The following SIN3B variants were observed in gnomAD, a reference collection of about 807,000 sequenced individuals.
SIN3B encodes paired amphipathic helix protein Sin3b.
In SIN3B, 19 loss-of-function variants were observed where a neutral mutation model predicts 120.2. The ratio of observed to expected loss-of-function variants is 0.16; its 90% confidence interval spans 0.11 to 0.23. The LOEUF (loss-of-function observed/expected upper bound fraction) is 0.23, where lower values mean the gene tolerates loss of function less well. Ranked by LOEUF, SIN3B falls within the 10% of genes least tolerant of loss-of-function variation. The probability of loss-of-function intolerance (pLI) is 1.00; values close to 1 mark genes in which losing one functional copy is unlikely to be tolerated. For missense variants in SIN3B, 1,073 were observed against 1,573.0 expected, an observed-to-expected ratio of 0.68 and a Z score of 5.38; for synonymous variants, 654 against 653.2, an observed-to-expected ratio of 1.00 and a Z score of -0.02.
rs2051655175 is a variant in SIN3B, at chr19:16,878,999, A to G, written c.*272A>G. 2 of 517,070 alleles carry G rather than the reference A, an allele frequency of 3.9e-6. No homozygotes were observed. Among genetic ancestry groups the G allele is most frequent in the Non-Finnish European group, 6.8e-6 (2 of 292,464 alleles). 32.0% of individuals were successfully genotyped at this position (517,070 alleles called of 1,614,324 possible). A position where few individuals can be genotyped will look rare whatever the true frequency, so the allele number is the denominator to read the frequency against. The stretch of plus-strand genomic sequence containing the variant: ...CGTGCTGGCCGAGGAACAAGCAATC[A>G]TGTTTGCGTCCCCGTCCGTCACATG... On this transcript the variant is annotated 3_prime_UTR_variant, in exon 19 of 19. Transcript: ENST00000248054.
At chr19:16,835,992 T>C (rs761975941) in intron 3 of SIN3B, among the ~76,000 whole-genome samples, 57 of 152,212 alleles carry the variant, frequency 3.7e-4, no homozygotes, top group South Asian at 6.2e-4. Context: ...AAGTATCTTT[T>C]TCCCCCCCCA....
chr19:16,842,814 G>C (rs982926721), intron 4 of SIN3B, among the ~76,000 whole-genome samples: 1 of 152,170 alleles, frequency 6.6e-6, no homozygotes, highest in Admixed American at 6.5e-5. Context: ...TTCCCAACCC[G>C]TCCGGGGCCA....
In SIN3B at chr19:16,863,738, G is replaced by A; in HGVS notation, c.1325G>A (p.Ser442Asn). Residue 442 changes from serine to asparagine, a missense_variant, in exon 10 of 19, where the codon AGC becomes AAC. Around this residue, in one of 7 missense-constraint regions of SIN3B, gnomAD observed 118 missense variants for 281.6 expected, o/e 0.42. Transcript: ENST00000248054. ...TGGTCTGAGGACTCCACGTTCGTCA[G>A]CTCCAAGAAGACACCGTACGAGGAG... ...PSWSEDSTFV[S>N]SKKTPYEEQL... The A allele has an allele frequency of 1.2e-6, 2 of 1,614,196 alleles. No individual in the cohort carries two copies. Among genetic ancestry groups the A allele is most frequent in the Non-Finnish European group, 1.7e-6 (2 of 1,180,026 alleles).
In SIN3B at chr19:16,865,309, C is replaced by T. The variant is rs538385842; in HGVS notation, c.1384-101C>T. 11 of 544,746 alleles carry T rather than the reference C, an allele frequency of 2.0e-5. 1 individual carries two copies. The highest frequency in any genetic ancestry group is 3.1e-5 in the Non-Finnish European group (9 of 294,314). 33.7% of individuals were successfully genotyped at this position (544,746 alleles called of 1,614,324 possible). ...ACCCTATCTCTTAAATACACACACC[C>T]CCCCCCCAAAAAAATCCTCTGGTCT... On this transcript the variant is annotated intron_variant, in intron 10 of 18. Transcript: ENST00000248054.
intron 17 of SIN3B, 135 bp from the exon 18 acceptor site, chr19:16,878,048 T>A: frequency 2.7e-6 from 2 of 729,908 alleles, no homozygotes; most frequent in Non-Finnish European, 4.4e-6. Flanking sequence ...TTCTTGTTGC[T>A]TCCATTTGCT....
At chr19:16,844,585 T>C (rs1322960440) in intron 4 of SIN3B, among the ~76,000 whole-genome samples, 1 of 152,172 alleles carries the variant, frequency 6.6e-6, no homozygotes, top group Non-Finnish European at 1.5e-5. Context: ...AGTGGGACCC[T>C]AAAAACGAGC....
intron 5 of SIN3B, among the ~76,000 whole-genome samples, chr19:16,849,138 A>G (rs1971514185): frequency 6.6e-6 from 1 of 152,380 alleles, no homozygotes; most frequent in African/African-American, 2.4e-5. Context: ...TGTGAAGTAT[A>G]ATCTTTATGT....
At chr19:16,867,859 C>A (rs80303626) in intron 12 of SIN3B, among the ~76,000 whole-genome samples, 18,357 of 152,150 alleles carry the variant, frequency 0.12, 1,420 homozygotes, top group East Asian at 0.27. Flanking sequence ...CTCTAGTCCT[C>A]GGCGATCCTC....
Position 16,878,772 on chromosome 19 carries a change from G to A in SIN3B, c.*45G>A, listed in dbSNP as rs1378970879. On this transcript the variant is annotated 3_prime_UTR_variant, in exon 19 of 19. Coordinates refer to ENST00000248054, the MANE Select transcript of SIN3B (RefSeq NM_001297595.2). The stretch of plus-strand genomic sequence containing the variant: ...GGCAGGCGCCTCACAGAGCACAGAC[G>A]TGCCCTCGGCCTTGGTCGTGTCGGG... 3.3e-6 allele frequency: 5 copies of A among 1,507,146 alleles called. No homozygotes were observed. Among genetic ancestry groups the A allele is most frequent in the South Asian group, 1.2e-5 (1 of 83,746 alleles). The allele number at this position is 1,507,146 out of a possible 1,614,324, so 93.4% of individuals were successfully genotyped here. A position where few individuals can be genotyped will look rare whatever the true frequency, so the allele number is the denominator to read the frequency against.
chr19:16,877,760 G>A, intron 17 of SIN3B, 121 bp downstream of exon 17: 1 of 720,754 alleles, frequency 1.4e-6, no homozygotes, highest in Non-Finnish European at 2.4e-6. Flanking sequence ...GGTGCCTGCT[G>A]TGTGCTGAGG....
At chr19:16,845,935 A>G (rs1321261845) in intron 4 of SIN3B, among the ~76,000 whole-genome samples, 2 of 152,060 alleles carry the variant, frequency 1.3e-5, no homozygotes, top group African/African-American at 4.8e-5. Context: ...TTTGGCTAAG[A>G]TCAAGTGTAA....
In SIN3B at chr19:16,876,383, T is replaced by C. The variant is rs2051607121; in HGVS notation, c.2767-103T>C. 1.4e-6 allele frequency: 2 copies of C among 1,416,632 alleles called. No individual in the cohort carries two copies. The highest frequency in any genetic ancestry group is 1.3e-5 in the South Asian group (1 of 78,262). 87.8% of individuals were successfully genotyped at this position (1,416,632 alleles called of 1,614,324 possible). ...TTTGACCTGCAGGAAGCATCAGGGC[T>C]TTGGGAGGGTGGCAAAGGCGGGAGG... On this transcript the variant is annotated intron_variant, in intron 15 of 18. Transcript: ENST00000248054. This position sits in a 1 kb window ranked among gnomAD's most constrained non-coding sequence, Gnocchi z 7.1.
In SIN3B at chr19:16,865,317, A is replaced by AC. The variant is rs959328827; in HGVS notation, c.1384-93_1384-92insC. ...TCTTAAATACACACACCCCCCCCCC[A>AC]AAAAAATCCTCTGGTCTCTGAGGTC... On this transcript the variant is annotated intron_variant, in intron 10 of 18. Transcript: ENST00000248054. 7.2e-5 allele frequency: 22 copies of AC among 306,588 alleles called. No individual in the cohort carries two copies. The African/African-American group carries it at 7.7e-4, about 11-fold the overall frequency. 19.0% of individuals were successfully genotyped at this position (306,588 alleles called of 1,614,324 possible). A position where few individuals can be genotyped will look rare whatever the true frequency, so the allele number is the denominator to read the frequency against.
intron 12 of SIN3B, among the ~76,000 whole-genome samples, chr19:16,868,774 G>A (rs1283449602): frequency 6.6e-6 from 1 of 152,182 alleles, no homozygotes; most frequent in Non-Finnish European, 1.5e-5. Context: ...GACCCAGTGA[G>A]GAGAGTGGTT....
chr19:16,872,005 T>G (rs147508984), intron 14 of SIN3B, among the ~76,000 whole-genome samples: 1 of 152,110 alleles, frequency 6.6e-6, no homozygotes, highest in Non-Finnish European at 1.5e-5. Context: ...GTTTTAGTAG[T>G]AGCAAAAACC....
chr19:16,867,041 C>G (rs903325499), intron 12 of SIN3B, among the ~76,000 whole-genome samples: 3 of 152,204 alleles, frequency 2.0e-5, no homozygotes, highest in African/African-American at 7.2e-5. Flanking sequence ...ATGCGTAAGC[C>G]ACCGCTCCTG....
At chr19:16,860,683 C>T (rs1196366232) in intron 8 of SIN3B, among the ~76,000 whole-genome samples, 2 of 151,018 alleles carry the variant, frequency 1.3e-5, no homozygotes, top group East Asian at 3.9e-4. Context: ...TCACTGCAAC[C>T]TCTGCCTCCT....
In SIN3B at chr19:16,846,837, C is replaced by T. The variant is rs183258421; in HGVS notation, c.583-133C>T. 4.6e-5 allele frequency: 44 copies of T among 949,108 alleles called. 1 individual carries two copies. The Admixed American group carries it at 6.5e-4, about 14-fold the overall frequency. The allele number at this position is 949,108 out of a possible 1,614,324, so 58.8% of individuals were successfully genotyped here. On this transcript the variant is annotated intron_variant, in intron 4 of 18. Transcript: ENST00000248054. ...GCAGCAAGATCCACAAGTGTGCAGACAGGACCCTGCGGGCAGGTGCTCTTT... is the reference window on the plus strand; with the variant it reads ...GCAGCAAGATCCACAAGTGTGCAGATAGGACCCTGCGGGCAGGTGCTCTTT...
chr19:16,860,654 G>T (rs1417777072), intron 8 of SIN3B, among the ~76,000 whole-genome samples: 1 of 147,714 alleles, frequency 6.8e-6, no homozygotes, highest in African/African-American at 2.5e-5. Flanking sequence ...AGGCTGGAGT[G>T]CAGTGGCGTG....
Sources: gnomAD v4.1 joint callset for allele counts (sites outside exome capture counted in the v4.1 genomes callset) on GRCh38, gnomAD v4.1.1 for gene constraint, gnomAD v4.1.1 regional missense constraint, Gnocchi (gnomAD v3.1) non-coding constraint, MANE v1.5 for transcripts, NCBI Gene and HGNC (gene_info 2026-07-23, HGNC 2026-07-21) for gene names.